A1CF: variants seen among roughly 807,000 people sequenced by gnomAD.
A1CF encodes APOBEC-1 stimulating protein.
A1CF carries 48 observed loss-of-function variants against 68.9 expected under a neutral mutation model. The ratio of observed to expected loss-of-function variants is 0.70; its 90% CI spans 0.55 to 0.89. A1CF has a LOEUF of 0.89. Among genes scored for constraint, A1CF ranks in the 40% least tolerant of loss-of-function variants. A1CF has a pLI of 0.00. For missense variants in A1CF, 653 were observed against 718.9 expected (o/e 0.91, Z 1.05); for synonymous variants, 272 against 260.4 (o/e 1.04, Z -0.43).
chr10:50,838,703 A>G (rs1439338358), intron 5 of A1CF, among the ~76,000 whole-genome samples: 4 of 152,210 alleles, frequency 2.6e-5, no homozygotes, highest in African/African-American at 4.8e-5. Flanking sequence ...GAAATGGTGG[A>G]TAAAAGCAAA....
chr10:50,874,115 A>G (rs1357682388), intron 1 of A1CF, among the ~76,000 whole-genome samples: 1 of 152,176 alleles, frequency 6.6e-6, no homozygotes, highest in African/African-American at 2.4e-5. Flanking sequence ...GAAATCAGAT[A>G]CAGGCTCATT....
In A1CF at chr10:50,806,818, G is replaced by T. The variant is rs923766063; in HGVS notation, c.1672C>A (p.Leu558Ile). The change falls in exon 13 of 13, where the codon CTT (leucine) becomes ATT (isoleucine). Residue 558 changes from leucine to isoleucine, a missense_variant. By Grantham distance (5) the Leu-to-Ile change is conservative (BLOSUM62 2). Coordinates refer to ENST00000373997, the MANE Select transcript of A1CF (RefSeq NM_014576.4). ...SAAQLKQAVT[L>I]GQDLAAYTTY... Reference sequence around the variant, plus strand: ...GTATATGCTGCTAAGTCTTGTCCAAGGGTTACCGCTTGCTTGAGCTGGGCT... The same window carrying T: ...GTATATGCTGCTAAGTCTTGTCCAATGGTTACCGCTTGCTTGAGCTGGGCT... 6.2e-7 allele frequency: 1 copy of T among 1,613,596 alleles called. No individual in the cohort carries two copies. The highest frequency in any genetic ancestry group is 1.3e-5 in the African/African-American group (1 of 75,004).
intron 2 of A1CF, among the ~76,000 whole-genome samples, chr10:50,863,703 A>G (rs996614739): frequency 6.6e-6 from 1 of 152,186 alleles, no homozygotes; most frequent in African/African-American, 2.4e-5. Context: ...TTAAAAGTAG[A>G]AAGGTGGTTA....
chr10:50,856,177 C>T (rs12770593), intron 3 of A1CF, among the ~76,000 whole-genome samples: 2 of 151,944 alleles, frequency 1.3e-5, no homozygotes, highest in Non-Finnish European at 2.9e-5. Context: ...TTGGGTATTG[C>T]GTACCTGATC....
intron 3 of A1CF, among the ~76,000 whole-genome samples, chr10:50,857,466 C>T (rs1280828311): frequency 6.6e-6 from 1 of 152,038 alleles, no homozygotes; most frequent in Non-Finnish European, 1.5e-5. Flanking sequence ...CACCCAACAC[C>T]CTAAGCTTAG....
intron 3 of A1CF, 26 bp from the exon 4 acceptor site, chr10:50,844,148 G>A (rs1304803998): frequency 6.3e-7 from 1 of 1,598,324 alleles, no homozygotes; most frequent in East Asian, 2.2e-5. Context: ...AGGTGTGAAG[G>A]AGAGGAGAAA....
chr10:50,874,902 ATCT>A (rs576933285), intron 1 of A1CF, among the ~76,000 whole-genome samples: 135 of 152,286 alleles, frequency 8.9e-4, no homozygotes, highest in Non-Finnish European at 1.5e-3. Context: ...CTTAGGCATC[ATCT>A]TACCCTCCCG....
At chr10:50,860,428 G>A (rs1167633102) in intron 2 of A1CF, among the ~76,000 whole-genome samples, 1 of 152,174 alleles carries the variant, frequency 6.6e-6, no homozygotes, top group Non-Finnish European at 1.5e-5. Flanking sequence ...AGCTAAGATA[G>A]TTATCTACTT....
chr10:50,825,086 G>A (rs1488205528), intron 7 of A1CF, among the ~76,000 whole-genome samples: 2 of 152,140 alleles, frequency 1.3e-5, no homozygotes, highest in African/African-American at 4.8e-5. Context: ...AAATGGAGCA[G>A]TGACATCCTT....
At chr10:50,810,946 G>A in intron 11 of A1CF, 94 bp downstream of exon 11, 1 of 1,327,574 alleles carries the variant, frequency 7.5e-7, no homozygotes, top group Admixed American at 2.4e-5. Flanking sequence ...GTAGGTAGTA[G>A]ACCTCAGTAT....
At chr10:50,823,988 A>G (rs1490627626) in intron 7 of A1CF, 1 of 152,182 alleles carries the variant, frequency 6.6e-6, no homozygotes, top group East Asian at 1.9e-4. Flanking sequence ...TTTCCAAGAT[A>G]AACTAGTTAG....
chr10:50,832,561 C>T (rs934508271), intron 6 of A1CF, among the ~76,000 whole-genome samples: 5 of 152,180 alleles, frequency 3.3e-5, no homozygotes, highest in African/African-American at 1.2e-4. Context: ...TTTCCACCAA[C>T]ATCCTTGTGA....
intron 6 of A1CF, among the ~76,000 whole-genome samples, chr10:50,834,565 G>T (rs1013449139): frequency 7.9e-5 from 12 of 152,178 alleles, no homozygotes; most frequent in African/African-American, 2.9e-4. Flanking sequence ...TGAATAAAAG[G>T]TATTGAATAA....
chr10:50,869,693 A>T (rs542667337), intron 1 of A1CF, among the ~76,000 whole-genome samples: 94 of 152,220 alleles, frequency 6.2e-4, no homozygotes, highest in African/African-American at 2.2e-3. Flanking sequence ...ATATATAATA[A>T]TTTAGACAGA....
intron 3 of A1CF, among the ~76,000 whole-genome samples, chr10:50,855,074 T>C (rs1436973348): frequency 1.3e-5 from 2 of 152,020 alleles, no homozygotes; most frequent in East Asian, 3.9e-4. Flanking sequence ...AGACACCACG[T>C]TGGGTGGAAG....
At chr10:50,875,541 A>T (rs1297681164) in intron 1 of A1CF, among the ~76,000 whole-genome samples, 2 of 152,236 alleles carry the variant, frequency 1.3e-5, no homozygotes, top group Non-Finnish European at 2.9e-5. Context: ...CAGTTCTGTG[A>T]ATTGCTATGA....
At chr10:50,856,914 A>G (rs1589027234) in intron 3 of A1CF, among the ~76,000 whole-genome samples, 2 of 152,120 alleles carry the variant, frequency 1.3e-5, no homozygotes, top group Admixed American at 6.6e-5. Flanking sequence ...AACATTTTCA[A>G]TTATACATAT....
intron 7 of A1CF, among the ~76,000 whole-genome samples, chr10:50,827,730 A>G (rs1023678895): frequency 6.6e-6 from 1 of 152,238 alleles, no homozygotes. Context: ...TAAAAGAACT[A>G]GAGAAGCAAG....
intron 3 of A1CF, among the ~76,000 whole-genome samples, chr10:50,851,677 G>T (rs999715761): frequency 2.0e-5 from 3 of 152,154 alleles, no homozygotes; most frequent in African/African-American, 7.2e-5. Context: ...GCCTGAAGAG[G>T]TGTTTAAATC....
Sources: allele counts gnomAD v4.1 joint callset (sites outside exome capture counted in the v4.1 genomes callset), GRCh38; gene constraint gnomAD v4.1.1; transcripts MANE v1.5; gene names NCBI Gene and HGNC (gene_info 2026-07-23, HGNC 2026-07-21).